The following CHCHD3 variants were observed in gnomAD, a reference collection of about 807,000 sequenced individuals.
CHCHD3 encodes the protein MICOS complex subunit MIC19.
CHCHD3 carries 20 observed loss-of-function variants against 38.2 expected under a neutral mutation model. The ratio of observed to expected loss-of-function variants is 0.52; its 90% CI spans 0.37 to 0.76. CHCHD3 has a LOEUF of 0.76. Ranked by LOEUF, CHCHD3 falls within the 30% of genes least tolerant of loss-of-function variation. The pLI is 0.00. For synonymous variants in CHCHD3, 82 were observed against 100.0 expected (o/e 0.82, Z 1.07); for missense variants, 245 against 279.2 (o/e 0.88, Z 0.87).
chr7:132,846,438 G>C (rs988714057), intron 5 of CHCHD3, among the ~76,000 whole-genome samples: 6 of 152,242 alleles, frequency 3.9e-5, no homozygotes, highest in Non-Finnish European at 7.3e-5. Context: ...TAAAATGGTA[G>C]CTGTTTTAAG....
chr7:132,807,936 C>A (rs915786426), intron 6 of CHCHD3, among the ~76,000 whole-genome samples: 2 of 151,700 alleles, frequency 1.3e-5, no homozygotes, highest in Non-Finnish European at 2.9e-5. Flanking sequence ...CCTCTAGATG[C>A]CTGGGCACCA....
chr7:133,064,138 T>A (rs1414291736), intron 2 of CHCHD3, among the ~76,000 whole-genome samples: 1 of 152,180 alleles, frequency 6.6e-6, no homozygotes, highest in South Asian at 2.1e-4. Context: ...CACTGTAACA[T>A]TAAATATGCT....
At chr7:132,959,737 A>G (rs10268982) in intron 4 of CHCHD3, among the ~76,000 whole-genome samples, 5,089 of 151,592 alleles carry the variant, frequency 0.034, 274 homozygotes, top group African/African-American at 0.12. Context: ...AAAAAAAAAA[A>G]AAAGAAAAAG....
rs139027247 is a variant in CHCHD3, at chr7:133,068,719, G to T, written c.169+1423C>A. ...GGAACATATTTAGACATGTTTTAGA[G>T]ATGGAGTTGACAAGACTAGCTAACA... On this transcript the variant is annotated intron_variant, in intron 2 of 7. Transcript: ENST00000262570. Among the ~76,000 whole-genome samples, 130 of 152,288 alleles carry T rather than the reference G, an allele frequency of 8.5e-4. No homozygotes were observed. In the Middle Eastern group the frequency reaches 0.024, roughly 28 times the overall value.
intron 3 of CHCHD3, among the ~76,000 whole-genome samples, chr7:132,995,725 C>T (rs1584630100): frequency 6.6e-6 from 1 of 152,174 alleles, no homozygotes; most frequent in East Asian, 1.9e-4. Context: ...CCAACTCATC[C>T]TAACAAAAGG....
At chr7:133,027,344 A>G (rs1375847332) in intron 2 of CHCHD3, among the ~76,000 whole-genome samples, 1 of 145,872 alleles carries the variant, frequency 6.9e-6, no homozygotes, top group African/African-American at 2.5e-5. Context: ...GATATGCTAA[A>G]TGTACCTTAA....
chr7:133,005,222 A>C (rs1717002609), intron 3 of CHCHD3, among the ~76,000 whole-genome samples: 1 of 152,182 alleles, frequency 6.6e-6, no homozygotes, highest in African/African-American at 2.4e-5. Context: ...AACAAACAAA[A>C]AACAAACCTA....
chr7:132,786,456 A>G (rs565440723), intron 7 of CHCHD3, among the ~76,000 whole-genome samples: 120 of 152,282 alleles, frequency 7.9e-4, no homozygotes, highest in African/African-American at 2.7e-3. Context: ...TTAGTTATTT[A>G]TTTGGGAGAT....
At position 133,035,105 on chromosome 7, in the gene CHCHD3, A is replaced by G. The variant is rs1813628418; in HGVS notation, c.170-10478T>C. 5 of 1,613,738 alleles carry G rather than the reference A, an allele frequency of 3.1e-6. No homozygotes were observed. Among genetic ancestry groups the G allele is most frequent in the Non-Finnish European group, 4.2e-6 (5 of 1,179,706 alleles). On this transcript the variant is annotated intron_variant, in intron 2 of 7. Coordinates refer to ENST00000262570, the MANE Select transcript of CHCHD3 (RefSeq NM_017812.4). The surrounding 1 kb of genome is among the most constrained non-coding windows in gnomAD (Gnocchi z 4.7). ...CGAAGGGGTCCTTGGCCTTGGGCTC[A>G]GCAGCCAGCGCCTGCTCACATTCAT...
chr7:132,913,132 A>G (rs1809997877), intron 4 of CHCHD3, among the ~76,000 whole-genome samples: 1 of 152,180 alleles, frequency 6.6e-6, no homozygotes, highest in African/African-American at 2.4e-5. Flanking sequence ...AGAGAAAAAG[A>G]ATGTTGAGAT....
chr7:133,025,121 T>C (rs938703048), intron 2 of CHCHD3, among the ~76,000 whole-genome samples: 2 of 152,238 alleles, frequency 1.3e-5, no homozygotes, highest in Admixed American at 6.5e-5. Context: ...AAAAAAGCCA[T>C]TTGTCATTTA....
At chr7:132,838,869 G>C (rs1807864592) in intron 5 of CHCHD3, among the ~76,000 whole-genome samples, 1 of 152,076 alleles carries the variant, frequency 6.6e-6, no homozygotes, top group African/African-American at 2.4e-5. Flanking sequence ...GTTCCTACTA[G>C]GATATTAAAG....
intron 4 of CHCHD3, among the ~76,000 whole-genome samples, chr7:132,950,357 C>T (rs1037384418): frequency 6.6e-5 from 10 of 152,156 alleles, no homozygotes; most frequent in Admixed American, 6.6e-4. Flanking sequence ...GACCTTATCT[C>T]ACTCAACTTT....
intron 3 of CHCHD3, among the ~76,000 whole-genome samples, chr7:133,023,930 G>A (rs1813261525): frequency 6.6e-6 from 1 of 152,052 alleles, no homozygotes; most frequent in African/African-American, 2.4e-5. Flanking sequence ...ACACTTCAAT[G>A]AACATTCTTT....
chr7:132,935,692 C>G (rs917999451), intron 4 of CHCHD3, among the ~76,000 whole-genome samples: 1 of 152,176 alleles, frequency 6.6e-6, no homozygotes, highest in Admixed American at 6.5e-5. Flanking sequence ...ACTGGTGACT[C>G]TAGACAAATC....
chr7:133,003,325 T>C (rs1463583321), intron 3 of CHCHD3, among the ~76,000 whole-genome samples: 1 of 152,190 alleles, frequency 6.6e-6, no homozygotes, highest in Non-Finnish European at 1.5e-5. Context: ...TTAAAATAAA[T>C]TGAGGCCTGT....
chr7:132,819,297 C>T (rs1807281663), intron 6 of CHCHD3, among the ~76,000 whole-genome samples: 1 of 152,160 alleles, frequency 6.6e-6, no homozygotes, highest in Non-Finnish European at 1.5e-5. Flanking sequence ...TATATTAGAT[C>T]CCTTTCAGAG....
At chr7:132,988,863 G>A (rs1812196710) in intron 3 of CHCHD3, among the ~76,000 whole-genome samples, 1 of 151,960 alleles carries the variant, frequency 6.6e-6, no homozygotes, top group Non-Finnish European at 1.5e-5. Flanking sequence ...AGGCTGCACT[G>A]AGCTATGATC....
chr7:133,059,798 T>C (rs904468430), intron 2 of CHCHD3, among the ~76,000 whole-genome samples: 3 of 152,198 alleles, frequency 2.0e-5, no homozygotes, highest in African/African-American at 7.2e-5. Flanking sequence ...CTTTTCCTGC[T>C]TGCCTCTTAG....
Sources: gnomAD v4.1 joint callset for allele counts (sites outside exome capture counted in the v4.1 genomes callset) on GRCh38, gnomAD v4.1.1 for gene constraint, Gnocchi (gnomAD v3.1) non-coding constraint, MANE v1.5 for transcripts, NCBI Gene and HGNC (gene_info 2026-07-23, HGNC 2026-07-21) for gene names.